NOP9: variants seen among roughly 807,000 people sequenced by gnomAD.
The protein encoded by NOP9 is NOP9 nucleolar protein, also known as nucleolar protein 9.
In NOP9, 50 loss-of-function variants were observed where a neutral mutation model predicts 63.0. The observed-to-expected ratio is 0.79, with a 90% CI of 0.63 to 1.00. The LOEUF (loss-of-function observed/expected upper bound fraction) is 1.00. Ranked by LOEUF, NOP9 falls within the 50% of genes least tolerant of loss-of-function variation. The pLI is 0.00. For missense variants in NOP9, 758 were observed against 803.0 expected (o/e 0.94, Z 0.68); for synonymous variants, 343 against 332.8 (o/e 1.03, Z -0.33).
At position 24,302,051 on chromosome 14, in the gene NOP9, C is replaced by T; in HGVS notation, c.895C>T (p.Leu299Phe). 1 of 1,614,054 alleles carries T rather than the reference C, an allele frequency of 6.2e-7. No individual in the cohort carries two copies. The highest frequency in any genetic ancestry group is 8.5e-7 in the Non-Finnish European group (1 of 1,179,956). ...HRKLPQFCAH[L>F]CNAVIGYLST... Reference sequence around the variant, plus strand: ...CAAACTTCCCCAGTTTTGCGCTCATCTCTGCAATGCTGTGATTGGCTACCT... The same window carrying T: ...CAAACTTCCCCAGTTTTGCGCTCATTTCTGCAATGCTGTGATTGGCTACCT... Residue 299 changes from leucine to phenylalanine, a missense_variant, in exon 4 of 10, where the codon CTC (leucine) becomes TTC (phenylalanine). Transcript: ENST00000267425.
At chr14:24,282,525 C>T in the NOP9 span, among the ~76,000 whole-genome samples, 1 of 152,174 alleles carries the variant, frequency 6.6e-6, no homozygotes, top group Non-Finnish European at 1.5e-5. Context: ...AAAGCCAAGG[C>T]ACCTTTGCTC....
chr14:24,304,339 C>T (rs2041437678), intron 8 of NOP9, 62 bp downstream of exon 8: 2 of 1,440,322 alleles, frequency 1.4e-6, no homozygotes. Flanking sequence ...TATGAGCTTT[C>T]CCTGGACTGT....
At chr14:24,275,319 T>C in the NOP9 span, among the ~76,000 whole-genome samples, 1 of 152,240 alleles carries the variant, frequency 6.6e-6, no homozygotes, top group Non-Finnish European at 1.5e-5. Flanking sequence ...TCTTATTTAC[T>C]GCACTCACTA....
the NOP9 span, chr14:24,292,518 G>T: frequency 6.5e-7 from 1 of 1,533,744 alleles, no homozygotes; most frequent in Non-Finnish European, 8.9e-7. Flanking sequence ...CAAAGGAACT[G>T]TCCATGGATG....
At chr14:24,288,024 G>A in the NOP9 span, among the ~76,000 whole-genome samples, 1 of 152,196 alleles carries the variant, frequency 6.6e-6, no homozygotes, top group South Asian at 2.1e-4. Context: ...CTTGGGTGGT[G>A]TACTCTGTGG....
chr14:24,305,896 G>A lies in NOP9; in HGVS notation c.*801G>A. The A allele has an allele frequency of 6.3e-7, 1 of 1,589,158 alleles. No homozygotes were observed. Among genetic ancestry groups the A allele is most frequent in the South Asian group, 1.1e-5 (1 of 87,354 alleles). On this transcript the variant is annotated 3_prime_UTR_variant, in exon 10 of 10. Transcript: ENST00000267425. ...GGTGGGTGCAAGAGGACGAATTATG[G>A]GGACTATCCAACTGTAGGGGATGGG...
chr14:24,304,878 C>T (rs2041451727), intron 9 of NOP9, 60 bp from the exon 10 acceptor site: 6 of 1,472,118 alleles, frequency 4.1e-6, no homozygotes, highest in Middle Eastern at 1.8e-4. Context: ...GGGATCTTTA[C>T]GTCAAGTAGA....
At position 24,305,637 on chromosome 14, in the gene NOP9, T is replaced by C. The variant is rs1027963801; in HGVS notation, c.*542T>C. 15 of 1,612,354 alleles carry C rather than the reference T, an allele frequency of 9.3e-6. No homozygotes were observed. Among genetic ancestry groups the C allele is most frequent in the African/African-American group, 2.7e-5 (2 of 74,830 alleles). On this transcript the variant is annotated 3_prime_UTR_variant, in exon 10 of 10. Transcript: ENST00000267425. ...GGGGCAGAAGCTCAGAGCCCCTTAG[T>C]AGGAATGGAGGCGGCCCTTCTGCTG...
the NOP9 span, among the ~76,000 whole-genome samples, chr14:24,275,742 G>A: frequency 6.6e-6 from 1 of 152,244 alleles, no homozygotes; most frequent in Non-Finnish European, 1.5e-5. Flanking sequence ...GAGCAAGTGC[G>A]AGACAGGTAA....
At chr14:24,304,426 T>C (rs996916652) in intron 8 of NOP9, 67 bp from the exon 9 acceptor site, 2 of 1,439,224 alleles carry the variant, frequency 1.4e-6, no homozygotes, top group African/African-American at 2.8e-5. Flanking sequence ...AAATTCACTC[T>C]CCACAAGCCT....
At position 24,302,462 on chromosome 14, in the gene NOP9, T is replaced by A. The variant is rs572516828; in HGVS notation, c.1143+38T>A. ...CCTGAGCTGGATCTGTTTCTGCTAA[T>A]TCTTGATCACTGGACCTTATTTTAT... On this transcript the variant is annotated intron_variant, in intron 5 of 9. Coordinates refer to ENST00000267425, the MANE Select transcript of NOP9 (RefSeq NM_174913.3). The A allele has an allele frequency of 3.8e-6, 6 of 1,571,186 alleles. No individual in the cohort carries two copies. In the African/African-American group the frequency reaches 4.0e-5, roughly 11 times the overall value.
upstream of NOP9, chr14:24,298,686 C>T (rs1044997997): frequency 5.5e-6 from 2 of 360,564 alleles, no homozygotes; most frequent in South Asian, 3.8e-5. Context: ...AAGCGATCCT[C>T]CTGCCTCAGC....
the NOP9 span, chr14:24,292,970 A>G: frequency 3.3e-6 from 2 of 603,986 alleles, no homozygotes; most frequent in Admixed American, 7.7e-5. Context: ...GGTCAAAATA[A>G]CCACTGACAG....
intron 7 of NOP9, 36 bp from the exon 8 acceptor site, chr14:24,304,005 T>A (rs372443591): frequency 6.3e-7 from 1 of 1,598,440 alleles, no homozygotes; most frequent in Non-Finnish European, 8.6e-7. Flanking sequence ...ACCTGGCTTG[T>A]TGGTGCCTCC....
intron 8 of NOP9, 25 bp downstream of exon 8, chr14:24,304,302 A>G: frequency 6.4e-7 from 1 of 1,572,632 alleles, no homozygotes; most frequent in Non-Finnish European, 8.7e-7. Context: ...TTTTGCCTTG[A>G]TTCCCCACCA....
the NOP9 span, among the ~76,000 whole-genome samples, chr14:24,285,644 A>G: frequency 1.3e-5 from 2 of 152,190 alleles, no homozygotes; most frequent in Admixed American, 6.5e-5. Flanking sequence ...GCATCCTTCA[A>G]TACCTTTTGG....
At chr14:24,302,148 G>A (rs759832826) in intron 4 of NOP9, 42 bp downstream of exon 4, 2 of 1,604,560 alleles carry the variant, frequency 1.2e-6, no homozygotes, top group Non-Finnish European at 8.5e-7. Context: ...TGGCGGGGCT[G>A]TGTGAAATGA....
chr14:24,305,125 G>T lies in NOP9; in HGVS notation c.*30G>T. 7.0e-7 allele frequency: 1 copy of T among 1,429,768 alleles called. No homozygotes were observed. The highest frequency in any genetic ancestry group is 1.5e-5 in the South Asian group (1 of 67,362). The allele number at this position is 1,429,768 out of a possible 1,614,324, so 88.6% of individuals were successfully genotyped here. On this transcript the variant is annotated 3_prime_UTR_variant, in exon 10 of 10. Transcript: ENST00000267425. ...TTGGATCTGGGACTGGGTGTTGATG[G>T]GGGAGGGCAAAATGGGGTATCCACC...
At chr14:24,297,661 T>C (rs925466732), upstream of NOP9, among the ~76,000 whole-genome samples, 2 of 152,228 alleles carry the variant, frequency 1.3e-5, no homozygotes, top group African/African-American at 4.8e-5. Flanking sequence ...TCTTAGAGGA[T>C]GAAGCCTGAG....
Sources: gnomAD v4.1 joint callset for allele counts (sites outside exome capture counted in the v4.1 genomes callset) on GRCh38, gnomAD v4.1.1 for gene constraint, MANE v1.5 for transcripts, NCBI Gene and HGNC (gene_info 2026-07-23, HGNC 2026-07-21) for gene names.